Variants in NKAIN2 observed in about 807,000 individuals in gnomAD.
The protein encoded by NKAIN2 is sodium/potassium-transporting ATPase subunit beta-1-interacting protein 2.
In NKAIN2, 14 loss-of-function variants were observed where a neutral mutation model predicts 32.6. The ratio of observed to expected loss-of-function variants is 0.43; its 90% CI spans 0.28 to 0.67. NKAIN2 has a LOEUF of 0.67. NKAIN2 is among the 30% of genes least tolerant of loss of function. The pLI is 0.17. For missense variants in NKAIN2, 198 were observed against 258.3 expected (o/e 0.77, Z 1.60); for synonymous variants, 80 against 87.2 (o/e 0.92, Z 0.46).
intron 1 of NKAIN2, among the ~76,000 whole-genome samples, chr6:124,047,601 G>T (rs1401469897): frequency 1.3e-5 from 2 of 152,008 alleles, no homozygotes; most frequent in African/African-American, 4.8e-5. Flanking sequence ...AGCCTGTGCT[G>T]TAAATTCAGG....
intron 3 of NKAIN2, among the ~76,000 whole-genome samples, chr6:124,646,574 A>C (rs1583576669): frequency 6.6e-6 from 1 of 152,190 alleles, no homozygotes; most frequent in Non-Finnish European, 1.5e-5. Flanking sequence ...AGCTAAATGA[A>C]AAACAGCAAC....
At chr6:124,468,791 A>T (rs1244301032) in intron 3 of NKAIN2, among the ~76,000 whole-genome samples, 2 of 152,190 alleles carry the variant, frequency 1.3e-5, no homozygotes, top group East Asian at 1.9e-4. Flanking sequence ...CTTGAGGCAG[A>T]GTACAGTTGT....
At chr6:124,689,590 T>A (rs1774162182) in intron 4 of NKAIN2, among the ~76,000 whole-genome samples, 1 of 152,134 alleles carries the variant, frequency 6.6e-6, no homozygotes, top group Non-Finnish European at 1.5e-5. Flanking sequence ...TTTATAGTTT[T>A]GCATTTTTAC....
At chr6:124,191,105 G>A (rs1471452841) in intron 1 of NKAIN2, among the ~76,000 whole-genome samples, 1 of 152,142 alleles carries the variant, frequency 6.6e-6, no homozygotes, top group Non-Finnish European at 1.5e-5. Context: ...ATAACATGTA[G>A]CGAACATTAC....
At chr6:123,838,769 G>A (rs550819621) in intron 1 of NKAIN2, among the ~76,000 whole-genome samples, 1 of 152,208 alleles carries the variant, frequency 6.6e-6, no homozygotes, top group African/African-American at 2.4e-5. Context: ...TTTTAAATGA[G>A]TAATTGCCAT....
intron 3 of NKAIN2, among the ~76,000 whole-genome samples, chr6:124,361,501 C>T (rs112911788): frequency 0.01 from 1,541 of 152,012 alleles, 9 homozygotes; most frequent in Non-Finnish European, 0.016. Context: ...TTTATTTAAC[C>T]CTTTGGGACT....
At chr6:124,337,334 G>A (rs1797919816) in intron 2 of NKAIN2, among the ~76,000 whole-genome samples, 1 of 151,864 alleles carries the variant, frequency 6.6e-6, no homozygotes, top group South Asian at 2.1e-4. Context: ...CTGTCTCTAC[G>A]AAACTACAAA....
intron 3 of NKAIN2, among the ~76,000 whole-genome samples, chr6:124,485,881 G>C (rs984850991): frequency 6.6e-6 from 1 of 152,200 alleles, no homozygotes; most frequent in Non-Finnish European, 1.5e-5. Flanking sequence ...TTGATGTCTT[G>C]AAGACATGCA....
chr6:123,827,876 CCTCTCTCTCT>C (rs5879702), intron 1 of NKAIN2, among the ~76,000 whole-genome samples: 2 of 149,788 alleles, frequency 1.3e-5, no homozygotes, highest in Non-Finnish European at 3.0e-5. Context: ...GATAGCAGTT[CCTCTCTCTCT>C]CTCTCTCTCT....
At chr6:124,726,196 G>A (rs1023047364) in intron 4 of NKAIN2, among the ~76,000 whole-genome samples, 8 of 152,194 alleles carry the variant, frequency 5.3e-5, no homozygotes, top group Non-Finnish European at 1.0e-4. Flanking sequence ...CCAACTGGGC[G>A]GAGCCCACCA....
intron 3 of NKAIN2, among the ~76,000 whole-genome samples, chr6:124,504,570 A>G (rs1432500798): frequency 6.6e-6 from 1 of 152,236 alleles, no homozygotes; most frequent in Non-Finnish European, 1.5e-5. Flanking sequence ...TTCTAAAACA[A>G]GACCATTTTA....
chr6:124,020,723 C>G (rs189523679), intron 1 of NKAIN2, among the ~76,000 whole-genome samples: 1 of 152,036 alleles, frequency 6.6e-6, no homozygotes, highest in Non-Finnish European at 1.5e-5. Flanking sequence ...GAAGCTGATA[C>G]TTGATATGAA....
intron 1 of NKAIN2, among the ~76,000 whole-genome samples, chr6:124,060,735 A>C (rs1782885584): frequency 6.6e-6 from 1 of 152,204 alleles, no homozygotes; most frequent in Admixed American, 6.5e-5. Flanking sequence ...GGTACAACTT[A>C]AATTTCATCG....
At chr6:124,322,765 G>A (rs1797250125) in intron 2 of NKAIN2, among the ~76,000 whole-genome samples, 1 of 152,064 alleles carries the variant, frequency 6.6e-6, no homozygotes, top group Non-Finnish European at 1.5e-5. Context: ...TATTTCTCAG[G>A]AATAAAGACT....
chr6:124,728,881 CA>C (rs551015105), intron 4 of NKAIN2, among the ~76,000 whole-genome samples: 2,816 of 151,138 alleles, frequency 0.019, 80 homozygotes, highest in African/African-American at 0.064. Context: ...GGGATATCAC[CA>C]CCGATCCCAC....
chr6:124,357,036 T>C (rs1799017105), intron 3 of NKAIN2, among the ~76,000 whole-genome samples: 1 of 152,136 alleles, frequency 6.6e-6, no homozygotes, highest in Admixed American at 6.6e-5. Flanking sequence ...AGAATAAAGC[T>C]GGTGATTTCA....
At chr6:123,929,029 G>A (rs1222652218) in intron 1 of NKAIN2, among the ~76,000 whole-genome samples, 1 of 152,116 alleles carries the variant, frequency 6.6e-6, no homozygotes, top group African/African-American at 2.4e-5. Context: ...TCCTACCTGG[G>A]TTATGTTCCA....
At chr6:124,544,691 A>G (rs1267680785) in intron 3 of NKAIN2, among the ~76,000 whole-genome samples, 2 of 152,180 alleles carry the variant, frequency 1.3e-5, no homozygotes, top group African/African-American at 2.4e-5. Flanking sequence ...ATGTCTGATT[A>G]AATACAATGA....
chr6:124,338,188 A>G (rs1797961778), intron 2 of NKAIN2, among the ~76,000 whole-genome samples: 1 of 152,160 alleles, frequency 6.6e-6, no homozygotes, highest in South Asian at 2.1e-4. Context: ...GAACATAGCT[A>G]AAAGTGATGC....
Sources: allele counts gnomAD v4.1 joint callset (sites outside exome capture counted in the v4.1 genomes callset), GRCh38; gene constraint gnomAD v4.1.1; transcripts MANE v1.5; gene names NCBI Gene and HGNC (gene_info 2026-07-23, HGNC 2026-07-21).